MXI1: variants seen among roughly 807,000 people sequenced by gnomAD.
MXI1 encodes the protein MAX interactor 1, dimerization protein, also known as max-interacting protein 1.
In MXI1, 18 loss-of-function variants were observed where a neutral mutation model predicts 36.9. The observed-to-expected ratio is 0.49, with a 90% CI of 0.34 to 0.72. The LOEUF is 0.72. MXI1 is among the 30% of genes least tolerant of loss of function. The probability of loss-of-function intolerance (pLI) is 0.01; values close to 1 mark genes in which losing one functional copy is unlikely to be tolerated. For synonymous variants in MXI1, 160 were observed against 146.7 expected, an observed-to-expected ratio of 1.09 and a Z score of -0.65; for missense variants, 304 against 379.1, an observed-to-expected ratio of 0.80 and a Z score of 1.64.
At chr10:110,208,205 C>G (rs1303756864) in intron 1 of MXI1, 123 bp downstream of exon 1, 1 of 1,042,026 alleles carries the variant, frequency 9.6e-7, no homozygotes, top group Non-Finnish European at 1.3e-6. Flanking sequence ...CAGCCCTTGG[C>G]AGTAAAGCCG....
chr10:110,207,909 A>T lies in MXI1; in HGVS notation c.101A>T (p.Gln34Leu), dbSNP rs924619153. ...GTGCCCCCCGCCGTGGCCGCGCCCCAGCCCCCGGCCCTGCCCGAGGACCCC... is the reference window on the plus strand; with the variant it reads ...GTGCCCCCCGCCGTGGCCGCGCCCCTGCCCCCGGCCCTGCCCGAGGACCCC... ...PAVPPAVAAP[Q>L]PPALPEDPAG... Residue 34 changes from glutamine to leucine, a missense_variant, in exon 1 of 6, where the codon CAG becomes CTG. By Grantham distance (113) the Gln-to-Leu change is moderately radical. Coordinates refer to ENST00000332674, the MANE Select transcript of MXI1 (RefSeq NM_130439.3). The T allele has an allele frequency of 1.4e-6, 2 of 1,430,860 alleles. No homozygotes were observed. The highest frequency in any genetic ancestry group is 1.8e-6 in the Non-Finnish European group (2 of 1,083,684). The allele number at this position is 1,430,860 out of a possible 1,614,324, so 88.6% of individuals were successfully genotyped here. A position where few individuals can be genotyped will look rare whatever the true frequency, so the allele number is the denominator to read the frequency against.
In MXI1 at chr10:110,207,758, C is replaced by T. The variant is rs1854398487; in HGVS notation, c.-51C>T. ...TCTCCCTGGGGGCCCGGAGCTCGGC[C>T]GGGCCGCGCAGCCCCGTTAGAGGAC... is the stretch of plus-strand genomic sequence containing the variant. On this transcript the variant is annotated 5_prime_UTR_variant, in exon 1 of 6. Transcript: ENST00000332674. The T allele has an allele frequency of 3.6e-6, 4 of 1,113,632 alleles. No homozygotes were observed. The highest frequency in any genetic ancestry group is 5.1e-5 in the Admixed American group (1 of 19,514). The allele number at this position is 1,113,632 out of a possible 1,614,324, so 69.0% of individuals were successfully genotyped here. A position where few individuals can be genotyped will look rare whatever the true frequency, so the allele number is the denominator to read the frequency against.
intron 1 of MXI1, among the ~76,000 whole-genome samples, chr10:110,224,567 T>G (rs868005804): frequency 1.3e-5 from 2 of 151,832 alleles, no homozygotes; most frequent in Middle Eastern, 3.5e-3. Flanking sequence ...GAAACCCTGG[T>G]CTAGACTTTG....
At chr10:110,244,024 G>C (rs1855768065) in intron 2 of MXI1, among the ~76,000 whole-genome samples, 1 of 151,976 alleles carries the variant, frequency 6.6e-6, no homozygotes, top group South Asian at 2.1e-4. Context: ...TATATTTCTT[G>C]ACTTCTCTGA....
intron 2 of MXI1, among the ~76,000 whole-genome samples, chr10:110,240,743 A>G (rs1590359791): frequency 6.6e-6 from 1 of 151,980 alleles, no homozygotes; most frequent in South Asian, 2.1e-4. Flanking sequence ...TTAGGATACC[A>G]GTTAGTTAGA....
At chr10:110,210,422 A>G in intron 1 of MXI1, 1 of 385,162 alleles carries the variant, frequency 2.6e-6, no homozygotes, top group Non-Finnish European at 3.6e-6. Context: ...TTGGCTCTAA[A>G]TGACGTGATG....
chr10:110,217,723 T>C (rs1463072469), intron 1 of MXI1, among the ~76,000 whole-genome samples: 1 of 152,198 alleles, frequency 6.6e-6, no homozygotes, highest in South Asian at 2.1e-4. Context: ...AAGTGAAGCA[T>C]GTATGATCTC....
At chr10:110,282,068 A>T (rs573513437) in intron 5 of MXI1, among the ~76,000 whole-genome samples, 2 of 152,232 alleles carry the variant, frequency 1.3e-5, no homozygotes, top group Non-Finnish European at 2.9e-5. Context: ...AATAAAGTTC[A>T]TACAGGGAAG....
At chr10:110,231,896 T>C (rs1855278417) in intron 2 of MXI1, among the ~76,000 whole-genome samples, 1 of 152,196 alleles carries the variant, frequency 6.6e-6, no homozygotes, top group Non-Finnish European at 1.5e-5. Context: ...CCTTCATTAC[T>C]ATCCTCCTAA....
intron 1 of MXI1, among the ~76,000 whole-genome samples, chr10:110,213,031 A>G (rs61277339): frequency 0.12 from 17,949 of 152,252 alleles, 1,521 homozygotes; most frequent in East Asian, 0.3. Flanking sequence ...ACTGCTAGCT[A>G]TGGCACGAGG....
chr10:110,221,502 G>T (rs1300855722), intron 1 of MXI1, among the ~76,000 whole-genome samples: 2 of 152,218 alleles, frequency 1.3e-5, no homozygotes, highest in African/African-American at 2.4e-5. Context: ...CCGCTTAGAT[G>T]TGCATGTTAA....
At chr10:110,227,415 G>T (rs1362423258) in intron 1 of MXI1, 12 of 988,840 alleles carry the variant, frequency 1.2e-5, no homozygotes, top group Non-Finnish European at 1.4e-5. Context: ...GGGTGCGCAC[G>T]GAGGGTGGGG....
chr10:110,246,553 G>A (rs716594), intron 3 of MXI1, among the ~76,000 whole-genome samples: 9,503 of 152,194 alleles, frequency 0.062, 930 homozygotes, highest in African/African-American at 0.21. Context: ...TTTGCACAGT[G>A]CTGTGTTCTT....
chr10:110,220,148 A>G (rs557610529), intron 1 of MXI1, among the ~76,000 whole-genome samples: 23 of 152,360 alleles, frequency 1.5e-4, no homozygotes, highest in African/African-American at 5.5e-4. Context: ...AGAAAATTCA[A>G]GTTCCAATCT....
Position 110,230,040 on chromosome 10 carries a change from CCTT to C in MXI1, c.407+1722_407+1724del, listed in dbSNP as rs560939590. 5.9e-5 allele frequency among the ~76,000 whole-genome samples: 9 copies of C among 152,244 alleles called. No homozygotes were observed. In the South Asian group the frequency reaches 1.9e-3, roughly 32 times the overall value. On this transcript the variant is annotated intron_variant, in intron 2 of 5. Coordinates refer to ENST00000332674, the MANE Select transcript of MXI1 (RefSeq NM_130439.3). ...GCATTAGAGTCTCACCAAGGTCCCT[CCTT>C]CTCCTGAACTTCTATGACTCTGATT...
At chr10:110,244,470 T>G (rs1192116208) in intron 2 of MXI1, among the ~76,000 whole-genome samples, 1 of 151,894 alleles carries the variant, frequency 6.6e-6, no homozygotes, top group African/African-American at 2.4e-5. Flanking sequence ...CCACTTTTTT[T>G]TTTCCTTTTT....
chr10:110,248,976 C>CA (rs957866066), intron 3 of MXI1, among the ~76,000 whole-genome samples: 6 of 152,070 alleles, frequency 3.9e-5, no homozygotes, highest in Admixed American at 2.6e-4. Context: ...GGTGGTTTAG[C>CA]AAGAAGGTGG....
chr10:110,207,849 A>G lies in MXI1; in HGVS notation c.41A>G (p.Glu14Gly). The change falls in exon 1 of 6, where the codon GAG becomes GGG. Residue 14 changes from glutamate (E) to glycine (G), a missense_variant. Transcript: ENST00000332674. The part of the protein sequence containing the change: ...RGRPRKEARC[E>G]GAGLAPAAPP... ...CGGCCGCGCAAGGAGGCGCGCTGCG[A>G]GGGCGCGGGGCTGGCCCCCGCCGCG... 8.7e-7 allele frequency: 1 copy of G among 1,153,020 alleles called. No individual in the cohort carries two copies. The highest frequency in any genetic ancestry group is 1.1e-6 in the Non-Finnish European group (1 of 937,226). 71.4% of individuals were successfully genotyped at this position (1,153,020 alleles called of 1,614,324 possible). A position where few individuals can be genotyped will look rare whatever the true frequency, so the allele number is the denominator to read the frequency against.
chr10:110,249,882 A>G (rs1856011210), intron 3 of MXI1, among the ~76,000 whole-genome samples: 1 of 152,170 alleles, frequency 6.6e-6, no homozygotes, highest in Non-Finnish European at 1.5e-5. Context: ...AGGTGATTTT[A>G]AATTGCTGGT....
Sources: gnomAD v4.1 joint callset for allele counts (sites outside exome capture counted in the v4.1 genomes callset) on GRCh38, gnomAD v4.1.1 for gene constraint, MANE v1.5 for transcripts, NCBI Gene and HGNC (gene_info 2026-07-23, HGNC 2026-07-21) for gene names.